The following MYO18B variants were observed in gnomAD, a reference collection of about 807,000 sequenced individuals.
The protein encoded by MYO18B is myosin XVIIIB.
A neutral mutation model predicts 273.0 loss-of-function variants in MYO18B; 204 were observed. The ratio of observed to expected loss-of-function variants is 0.75; its 90% CI spans 0.67 to 0.84. The LOEUF (loss-of-function observed/expected upper bound fraction) is 0.84. Ranked by LOEUF, MYO18B falls within the 40% of genes least tolerant of loss-of-function variation. The probability of loss-of-function intolerance (pLI) is 0.00; values close to 1 mark genes in which losing one functional copy is unlikely to be tolerated. For missense variants in MYO18B, 3,212 were observed against 3,287.6 expected, an observed-to-expected ratio of 0.98 and a Z score of 0.56; for synonymous variants, 1,330 against 1,305.7, an observed-to-expected ratio of 1.02 and a Z score of -0.40.
Position 26,027,551 on chromosome 22 carries a change from G to T in MYO18B, c.7577G>T (p.Ser2526Ile). The change falls in exon 43 of 44, where the codon AGT (serine) becomes ATT (isoleucine). Residue 2526 changes from serine (S) to isoleucine (I), a missense_variant. By Grantham distance (142) the Ser-to-Ile change is moderately radical. Transcript: ENST00000335473. The surrounding 1 kb of genome is among the most constrained non-coding windows in gnomAD (Gnocchi z 4.1). The part of the protein sequence containing the change: ...VSFKSADSIK[S>I]RPGIPRLAGD... ...TTCAAAAGTGCTGACAGCATCAAAA[G>T]TCGACCAGGAATCCCACGACTTGCG... 6.2e-7 allele frequency: 1 copy of T among 1,614,008 alleles called. No homozygotes were observed. Among genetic ancestry groups the T allele is most frequent in the African/African-American group, 1.3e-5 (1 of 75,044 alleles).
At chr22:25,840,430 G>A (rs2090049680) in intron 17 of MYO18B, among the ~76,000 whole-genome samples, 3 of 152,140 alleles carry the variant, frequency 2.0e-5, no homozygotes, top group African/African-American at 4.8e-5. Context: ...CCCTGCCTGC[G>A]ATCCTGGCTC....
intron 12 of MYO18B, among the ~76,000 whole-genome samples, chr22:25,811,310 A>G (rs1407072378): frequency 6.6e-6 from 1 of 151,966 alleles, no homozygotes; most frequent in Non-Finnish European, 1.5e-5. Context: ...GGCATGAGCC[A>G]CCGCGCCAGG....
intron 9 of MYO18B, among the ~76,000 whole-genome samples, chr22:25,781,130 T>C (rs1257126040): frequency 6.6e-6 from 1 of 152,190 alleles, no homozygotes; most frequent in Non-Finnish European, 1.5e-5. Context: ...AGGCTTCTAT[T>C]AAAAAGGGAA....
At chr22:25,855,944 A>T (rs1340050484) in intron 21 of MYO18B, among the ~76,000 whole-genome samples, 1 of 152,080 alleles carries the variant, frequency 6.6e-6, no homozygotes, top group Non-Finnish European at 1.5e-5. Context: ...CACCCAGGTA[A>T]TAAGCATGGT....
chr22:25,902,103 G>A (rs2091949568), intron 29 of MYO18B, among the ~76,000 whole-genome samples: 1 of 152,140 alleles, frequency 6.6e-6, no homozygotes, highest in South Asian at 2.1e-4. Flanking sequence ...CTCTCAAAGT[G>A]TTGGGATTAC....
chr22:26,037,708 C>T, the MYO18B span, among the ~76,000 whole-genome samples: 1 of 152,196 alleles, frequency 6.6e-6, no homozygotes, highest in South Asian at 2.1e-4. Flanking sequence ...AGGTGCCCAG[C>T]CTGTTCTCCC....
intron 39 of MYO18B, among the ~76,000 whole-genome samples, chr22:25,982,741 C>G (rs578248538): frequency 1.8e-4 from 27 of 152,262 alleles, no homozygotes; most frequent in African/African-American, 6.5e-4. Flanking sequence ...TAGGGACTAC[C>G]TGGAGAATCC....
At chr22:25,964,716 G>A (rs1217682970) in intron 39 of MYO18B, 1 of 152,196 alleles carries the variant, frequency 6.6e-6, no homozygotes, top group Non-Finnish European at 1.5e-5. Context: ...ATCACCATCT[G>A]TTAAGAGCAA....
chr22:25,770,397 G>A (rs556662765), intron 5 of MYO18B, among the ~76,000 whole-genome samples: 8 of 152,278 alleles, frequency 5.3e-5, no homozygotes, highest in African/African-American at 9.6e-5. Context: ...GGCGTTCTTC[G>A]AGGAAGCCAG....
Position 25,828,803 on chromosome 22 carries a change from G to A in MYO18B, c.2814G>A (p.Met938Ile). The A allele has an allele frequency of 6.2e-7, 1 of 1,613,680 alleles. No homozygotes were observed. The highest frequency in any genetic ancestry group is 8.5e-7 in the Non-Finnish European group (1 of 1,179,834). ...NRSFSSHHLS[M>I]ASIMVVDSPG... ...CCTTTTCCTCCCACCATCTCTCCATGGCCTCCATCATGGTGGTGGACTCTC... is the reference window on the plus strand; with the variant it reads ...CCTTTTCCTCCCACCATCTCTCCATAGCCTCCATCATGGTGGTGGACTCTC... The change falls in exon 15 of 44, where the codon ATG becomes ATA. Residue 938 changes from methionine to isoleucine, a missense_variant. Coordinates refer to ENST00000335473, the MANE Select transcript of MYO18B (RefSeq NM_032608.7).
chr22:25,816,433 T>C (rs2089009891), intron 12 of MYO18B, among the ~76,000 whole-genome samples: 1 of 152,132 alleles, frequency 6.6e-6, no homozygotes, highest in South Asian at 2.1e-4. Context: ...TCCACATTGG[T>C]TTGCTGCACA....
At chr22:26,041,640 C>G in the MYO18B span, among the ~76,000 whole-genome samples, 3 of 152,148 alleles carry the variant, frequency 2.0e-5, no homozygotes, top group Non-Finnish European at 4.4e-5. Context: ...GCTGATCTCT[C>G]TGGTTGCTGG....
chr22:25,922,061 C>G (rs115710984), intron 34 of MYO18B, among the ~76,000 whole-genome samples: 4,466 of 152,246 alleles, frequency 0.029, 216 homozygotes, highest in African/African-American at 0.1. Context: ...TCCTCTGTAT[C>G]TCTGCACATG....
In MYO18B at chr22:25,948,447, CTTCCTTCCTTCCTTCT is replaced by C. The variant is rs1163558856; in HGVS notation, c.5748+623_5748+638del. On this transcript the variant is annotated intron_variant, in intron 36 of 43. Transcript: ENST00000335473. ...CCTTCCTTCCTTCCTTCCTTCCTTC[CTTCCTTCCTTCCTTCT>C]TTCTTTCTTTCTTTCTTTCTTTCTC... Among the ~76,000 whole-genome samples the C allele has an allele frequency of 6.4e-3, 733 of 115,270 alleles. 5 individuals are homozygous for C. Among genetic ancestry groups the C allele is most frequent in the African/African-American group, 0.023 (538 of 22,990 alleles). The allele number at this position is 115,270 out of a possible 152,430, so 75.6% of individuals were successfully genotyped here.
At chr22:25,796,612 A>G (rs944711070) in intron 11 of MYO18B, among the ~76,000 whole-genome samples, 1 of 148,836 alleles carries the variant, frequency 6.7e-6, no homozygotes. Flanking sequence ...AAAAAAAAAA[A>G]AAATTAGCAG....
intron 33 of MYO18B, among the ~76,000 whole-genome samples, chr22:25,919,705 T>G (rs1310928507): frequency 6.6e-6 from 1 of 151,962 alleles, no homozygotes; most frequent in Admixed American, 6.6e-5. Context: ...TGTGTGTGTG[T>G]GTGTATAATA....
chr22:25,863,046 T>G (rs1196202812), intron 21 of MYO18B, among the ~76,000 whole-genome samples: 1 of 152,218 alleles, frequency 6.6e-6, no homozygotes, highest in Non-Finnish European at 1.5e-5. Flanking sequence ...TTTCTATTGA[T>G]CTATTTTCAA....
At chr22:25,763,115 C>T in intron 2 of MYO18B, 116 bp from the exon 3 acceptor site, 2 of 1,223,686 alleles carry the variant, frequency 1.6e-6, no homozygotes, top group Non-Finnish European at 2.4e-6. Context: ...CATACATGGG[C>T]TTGGTCATGT....
At chr22:25,976,773 C>A (rs2093094164) in intron 39 of MYO18B, among the ~76,000 whole-genome samples, 1 of 152,086 alleles carries the variant, frequency 6.6e-6, no homozygotes, top group Admixed American at 6.6e-5. Flanking sequence ...TCTAATAATA[C>A]AAGACTATTG....
Sources: gnomAD v4.1 joint callset for allele counts (sites outside exome capture counted in the v4.1 genomes callset) on GRCh38, gnomAD v4.1.1 for gene constraint, Gnocchi (gnomAD v3.1) non-coding constraint, MANE v1.5 for transcripts, NCBI Gene and HGNC (gene_info 2026-07-23, HGNC 2026-07-21) for gene names.